The following CNTNAP3 variants were observed in gnomAD, a reference collection of about 807,000 sequenced individuals.
The protein encoded by CNTNAP3 is contactin associated protein family member 3.
CNTNAP3 carries 36 observed loss-of-function variants against 92.1 expected under a neutral mutation model. The observed-to-expected ratio is 0.39, with a 90% CI of 0.30 to 0.52. The LOEUF (loss-of-function observed/expected upper bound fraction) is 0.52, where lower values mean the gene tolerates loss of function less well. CNTNAP3 is among the 20% of genes least tolerant of loss of function. The pLI is 0.76. For missense variants in CNTNAP3, 534 were observed against 1,069.6 expected, an observed-to-expected ratio of 0.50 and a Z score of 6.98; for synonymous variants, 232 against 422.3, an observed-to-expected ratio of 0.55 and a Z score of 5.53.
intron 18 of CNTNAP3, among the ~76,000 whole-genome samples, chr9:39,089,681 G>A (rs1342762677): frequency 4.6e-5 from 7 of 151,970 alleles, no homozygotes; most frequent in Non-Finnish European, 1.0e-4. Flanking sequence ...ATTCCAAACA[G>A]CAATTATGAG....
chr9:39,071,377 G>C lies in CNTNAP3; in HGVS notation c.*2513C>G, dbSNP rs1434520667. 3.3e-5 allele frequency among the ~76,000 whole-genome samples: 5 copies of C among 151,424 alleles called. No homozygotes were observed. Among genetic ancestry groups the C allele is most frequent in the Admixed American group, 2.0e-4 (3 of 15,198 alleles). On this transcript the variant is annotated 3_prime_UTR_variant, in exon 24 of 24. Transcript: ENST00000297668. The stretch of plus-strand genomic sequence containing the variant: ...AGGTGAATTTGGACAAAAATATTGA[G>C]ATAATACCACTCACCAGTGTCACTA...
intron 10 of CNTNAP3, 64 bp downstream of exon 10, chr9:39,149,742 G>C (rs376055155): frequency 0.071 from 65,494 of 921,192 alleles, 2,419 homozygotes; most frequent in South Asian, 0.11. Context: ...TTTTCCAGCT[G>C]TCTACATTTG....
intron 12 of CNTNAP3, among the ~76,000 whole-genome samples, chr9:39,137,171 T>C (rs1339447891): frequency 3.3e-5 from 5 of 152,122 alleles, no homozygotes; most frequent in African/African-American, 1.2e-4. Flanking sequence ...TTCTGGGTTT[T>C]CTTTTTGCGG....
intron 13 of CNTNAP3, among the ~76,000 whole-genome samples, chr9:39,118,892 G>A (rs1191009953): frequency 6.6e-6 from 1 of 152,144 alleles, no homozygotes; most frequent in Non-Finnish European, 1.5e-5. Flanking sequence ...CAGCTCTGAC[G>A]AGTGCACCTC....
At chr9:39,125,274 T>C (rs1208039193) in intron 13 of CNTNAP3, among the ~76,000 whole-genome samples, 3 of 151,356 alleles carry the variant, frequency 2.0e-5, no homozygotes, top group Non-Finnish European at 2.9e-5. Context: ...AAACAAACAC[T>C]GCATGTTCTC....
rs796894473 is a variant in CNTNAP3, at chr9:39,202,284, G to C, written c.391-9009C>G. Among the ~76,000 whole-genome samples, 115 of 47,402 alleles carry C rather than the reference G, an allele frequency of 2.4e-3. 36 individuals carry two copies. The highest frequency in any genetic ancestry group is 5.4e-3 in the Admixed American group (14 of 2,584). The allele number at this position is 47,402 out of a possible 152,430, so 31.1% of individuals were successfully genotyped here. A position where few individuals can be genotyped will look rare whatever the true frequency, so the allele number is the denominator to read the frequency against. On this transcript the variant is annotated intron_variant, in intron 3 of 23. Coordinates refer to ENST00000297668, the MANE Select transcript of CNTNAP3 (RefSeq NM_033655.5). Reference sequence around the variant, plus strand: ...CATGTTTTTTGTTTTGTTTTGTTTTGTTTGCAGATGACATGATTGTATATT... The same window carrying C: ...CATGTTTTTTGTTTTGTTTTGTTTTCTTTGCAGATGACATGATTGTATATT...
At chr9:39,089,189 C>A (rs1826135689) in intron 18 of CNTNAP3, among the ~76,000 whole-genome samples, 1 of 152,140 alleles carries the variant, frequency 6.6e-6, no homozygotes, top group South Asian at 2.1e-4. Context: ...ACCTCCATAA[C>A]CTCTAGCAGT....
chr9:39,102,233 T>C (rs1285363264), intron 17 of CNTNAP3, among the ~76,000 whole-genome samples: 4 of 152,284 alleles, frequency 2.6e-5, no homozygotes, highest in South Asian at 2.1e-4. Flanking sequence ...TGGGCTGAGA[T>C]TGCACCACTG....
chr9:39,068,269 A>G lies in CNTNAP3; in HGVS notation c.*5621T>C, dbSNP rs1334080884. On this transcript the variant is annotated 3_prime_UTR_variant, in exon 24 of 24. Coordinates refer to ENST00000297668, the MANE Select transcript of CNTNAP3 (RefSeq NM_033655.5). ...AAAAAAAAAAAAAAAAAAAAAAATT[A>G]GCTGGGCATGTTGGCTTGTGCCTGT... is the stretch of plus-strand genomic sequence containing the variant. Among the ~76,000 whole-genome samples, 1 of 148,194 alleles carries G rather than the reference A, an allele frequency of 6.7e-6. No individual in the cohort carries two copies. The highest frequency in any genetic ancestry group is 1.5e-5 in the Non-Finnish European group (1 of 67,288).
chr9:39,159,367 T>TTA (rs376455872), intron 9 of CNTNAP3: 2,107 of 131,830 alleles, frequency 0.016, 58 homozygotes, highest in African/African-American at 0.053. Flanking sequence ...TTTAAAAATA[T>TTA]TATATATATA....
At chr9:39,150,976 T>C (rs2118146402) in intron 9 of CNTNAP3, among the ~76,000 whole-genome samples, 1 of 148,152 alleles carries the variant, frequency 6.7e-6, no homozygotes, top group East Asian at 2.0e-4. Context: ...TCCCACCCTC[T>C]GAGTTACAAT....
intron 21 of CNTNAP3, 129 bp from the exon 22 acceptor site, chr9:39,079,049 C>T (rs1025623288): frequency 2.1e-6 from 3 of 1,433,682 alleles, no homozygotes; most frequent in Non-Finnish European, 2.8e-6. Flanking sequence ...ACCCCTCGTT[C>T]CTTCACTCCA....
chr9:39,122,120 C>T lies in CNTNAP3; in HGVS notation c.2081-3861G>A, dbSNP rs1327790348. ...CTGTAATCCCAGCACTTTGGGAGGCCGAGGCGGGCAGATCATGAGGTCAGG... is the reference window on the plus strand; with the variant it reads ...CTGTAATCCCAGCACTTTGGGAGGCTGAGGCGGGCAGATCATGAGGTCAGG... On this transcript the variant is annotated intron_variant, in intron 13 of 23. Coordinates refer to ENST00000297668, the MANE Select transcript of CNTNAP3 (RefSeq NM_033655.5). Among the ~76,000 whole-genome samples the T allele has an allele frequency of 9.2e-5, 14 of 151,618 alleles. No homozygotes were observed. In the South Asian group the frequency reaches 1.5e-3, roughly 16 times the overall value.
intron 18 of CNTNAP3, among the ~76,000 whole-genome samples, chr9:39,094,869 T>C (rs1826291746): frequency 6.6e-6 from 1 of 151,622 alleles, no homozygotes; most frequent in African/African-American, 2.4e-5. Context: ...CTTTTTCATT[T>C]GTATAAAAAG....
chr9:39,083,927 A>G (rs953690668), intron 21 of CNTNAP3, among the ~76,000 whole-genome samples: 1 of 151,820 alleles, frequency 6.6e-6, no homozygotes, highest in Non-Finnish European at 1.5e-5. Flanking sequence ...TTCATTCACT[A>G]AGACTACTCA....
chr9:39,144,419 G>T, intron 10 of CNTNAP3, 73 bp from the exon 11 acceptor site: 1 of 1,509,752 alleles, frequency 6.6e-7, no homozygotes, highest in Non-Finnish European at 8.9e-7. Context: ...CCAAAAACAG[G>T]TTAACCAAAA....
intron 19 of CNTNAP3, 133 bp from the exon 20 acceptor site, chr9:39,086,982 C>T: frequency 2.2e-6 from 2 of 901,434 alleles, no homozygotes; most frequent in Non-Finnish European, 1.7e-6. Flanking sequence ...TTAGATGCAC[C>T]CAATAGTTAT....
intron 15 of CNTNAP3, among the ~76,000 whole-genome samples, chr9:39,104,477 T>TACACATACACACAC (rs1310721529): frequency 9.7e-5 from 12 of 123,182 alleles, no homozygotes; most frequent in African/African-American, 3.7e-4. Flanking sequence ...CACATACACA[T>TACACATACACACAC]ACACACACAC....
At chr9:39,139,214 C>A (rs1271094146) in intron 12 of CNTNAP3, among the ~76,000 whole-genome samples, 1 of 152,090 alleles carries the variant, frequency 6.6e-6, no homozygotes, top group Non-Finnish European at 1.5e-5. Context: ...CCCTAACCAA[C>A]TTTTCTGAGC....
Sources: allele counts gnomAD v4.1 joint callset (sites outside exome capture counted in the v4.1 genomes callset), GRCh38; gene constraint gnomAD v4.1.1; transcripts MANE v1.5; gene names NCBI Gene and HGNC (gene_info 2026-07-23, HGNC 2026-07-21).